Variants in TRMT11 observed in about 807,000 individuals in gnomAD.
TRMT11 encodes the protein tRNA (guanine(10)-N(2))-methyltransferase TRMT11.
Under a neutral mutation model 62.8 loss-of-function variants are expected in TRMT11, and 53 were observed. That is an observed-to-expected ratio of 0.84 (90% CI 0.68 to 1.06). The LOEUF (loss-of-function observed/expected upper bound fraction) is 1.06. Among genes scored for constraint, TRMT11 ranks in the 50% least tolerant of loss-of-function variants. The pLI is 0.00. For missense variants in TRMT11, 556 were observed against 553.4 expected (o/e 1.00, Z -0.05); for synonymous variants, 188 against 190.3 (o/e 0.99, Z 0.10).
intron 16 of TRMT11, among the ~76,000 whole-genome samples, chr6:126,045,530 G>A (rs746862507): frequency 8.5e-5 from 13 of 152,166 alleles, no homozygotes; most frequent in Non-Finnish European, 1.8e-4. Context: ...TTAATGAGGA[G>A]CAAATGGGGC....
intron 7 of TRMT11, among the ~76,000 whole-genome samples, chr6:126,005,150 C>T (rs1301099909): frequency 1.3e-5 from 2 of 152,018 alleles, no homozygotes; most frequent in Non-Finnish European, 2.9e-5. Flanking sequence ...GTCTGTGATA[C>T]AGTACAAGAC....
chr6:126,020,128 T>C (rs1405152656), intron 11 of TRMT11, among the ~76,000 whole-genome samples: 1 of 152,130 alleles, frequency 6.6e-6, no homozygotes, highest in Non-Finnish European at 1.5e-5. Flanking sequence ...GAAAACAGTG[T>C]TGATGCATTA....
At chr6:126,158,989 G>A (rs1778156844) in intron 21 of TRMT11, among the ~76,000 whole-genome samples, 1 of 152,096 alleles carries the variant, frequency 6.6e-6, no homozygotes. Flanking sequence ...ACATTACTTA[G>A]GTGGCCCCTT....
At chr6:126,172,524 A>G (rs185480127), upstream of TRMT11, among the ~76,000 whole-genome samples, 460 of 152,330 alleles carry the variant, frequency 3.0e-3, 3 homozygotes, top group Non-Finnish European at 4.6e-3. Flanking sequence ...TAAAGCCTCA[A>G]CAAATATTTC....
chr6:126,045,942 G>C (rs1776044986), intron 16 of TRMT11, among the ~76,000 whole-genome samples: 1 of 151,992 alleles, frequency 6.6e-6, no homozygotes, highest in African/African-American at 2.4e-5. Flanking sequence ...TGCTTTCAGA[G>C]AGCATTGGCA....
the TRMT11 span, among the ~76,000 whole-genome samples, chr6:126,256,873 T>C: frequency 6.6e-6 from 1 of 151,926 alleles, no homozygotes; most frequent in South Asian, 2.1e-4. Flanking sequence ...TTTTTGTTTG[T>C]TTGTTTGTTT....
chr6:126,250,754 A>G, the TRMT11 span, among the ~76,000 whole-genome samples: 1 of 152,216 alleles, frequency 6.6e-6, no homozygotes, highest in Non-Finnish European at 1.5e-5. Context: ...ATACTTGACT[A>G]TATCCTTCTA....
rs773433672 is a variant in TRMT11 at position 126,021,149 on chromosome 6, T to G, written c.1140-11T>G. On this transcript the variant is annotated splice_polypyrimidine_tract_variant and intron_variant, in intron 11 of 12. Transcript: ENST00000334379. ...GTGAGTGTTCCTAACAGTCAGCTGT[T>G]CTTTCTTCAGATACACTGAAGAGAT... 6.2e-7 allele frequency: 1 copy of G among 1,613,994 alleles called. No homozygotes were observed. The highest frequency in any genetic ancestry group is 8.5e-7 in the Non-Finnish European group (1 of 1,179,878).
intron 21 of TRMT11, among the ~76,000 whole-genome samples, chr6:126,151,271 A>G (rs1367922756): frequency 6.6e-6 from 1 of 152,210 alleles, no homozygotes; most frequent in East Asian, 1.9e-4. Flanking sequence ...TATAAATTTC[A>G]TATTTTAATT....
the TRMT11 span, among the ~76,000 whole-genome samples, chr6:126,240,615 C>T: frequency 6.6e-6 from 1 of 152,244 alleles, no homozygotes; most frequent in South Asian, 2.1e-4. Context: ...GTCAGTCTGC[C>T]CCTACTGGGG....
intron 21 of TRMT11, among the ~76,000 whole-genome samples, chr6:126,153,034 A>G (rs1778076795): frequency 6.6e-6 from 1 of 152,202 alleles, no homozygotes; most frequent in Non-Finnish European, 1.5e-5. Flanking sequence ...ATGCTAGATT[A>G]TTTTCACAAT....
At chr6:126,252,953 G>T in the TRMT11 span, among the ~76,000 whole-genome samples, 1 of 152,188 alleles carries the variant, frequency 6.6e-6, no homozygotes, top group Non-Finnish European at 1.5e-5. Flanking sequence ...AAGAACCCAA[G>T]GAGTGCTTTT....
Position 126,093,581 on chromosome 6 carries a change from GTATGTATATATATATA to G in TRMT11, c.*1438-19281_*1438-19266del, listed in dbSNP as rs1230196901. On this transcript the variant is annotated intron_variant and NMD_transcript_variant, in intron 17 of 22. Transcript: ENST00000648977. ...TACTCTAGTGTAGGTAACAGGATAT[GTATGTATATATATATA>G]TATATATATATATATATATATATAT... Among the ~76,000 whole-genome samples the G allele has an allele frequency of 8.4e-4, 31 of 37,086 alleles. 1 individual carries two copies. Among genetic ancestry groups the G allele is most frequent in the Non-Finnish European group, 3.3e-4 (6 of 18,156 alleles). The allele number at this position is 37,086 out of a possible 152,430, so 24.3% of individuals were successfully genotyped here.
chr6:126,087,838 A>C (rs1425251050), intron 17 of TRMT11, among the ~76,000 whole-genome samples: 1 of 152,150 alleles, frequency 6.6e-6, no homozygotes, highest in Non-Finnish European at 1.5e-5. Context: ...AAATCCTACC[A>C]CTTCAAGACC....
intron 21 of TRMT11, among the ~76,000 whole-genome samples, chr6:126,140,109 G>T (rs538613065): frequency 9.9e-5 from 15 of 151,948 alleles, no homozygotes; most frequent in Non-Finnish European, 2.1e-4. Flanking sequence ...GATTAAAAAT[G>T]AGGTATTAAA....
chr6:126,028,385 T>G (rs1158862625), intron 12 of TRMT11, among the ~76,000 whole-genome samples: 1 of 152,156 alleles, frequency 6.6e-6, no homozygotes, highest in Non-Finnish European at 1.5e-5. Context: ...ACCATCAAAG[T>G]TCATGTGTGT....
At chr6:126,171,907 A>T (rs1778334059) in intron 21 of TRMT11, among the ~76,000 whole-genome samples, 1 of 151,952 alleles carries the variant, frequency 6.6e-6, no homozygotes, top group African/African-American at 2.4e-5. Flanking sequence ...TTTAGTAGAG[A>T]AAGGTTTCAT....
intron 17 of TRMT11, among the ~76,000 whole-genome samples, chr6:126,110,708 G>T (rs1347369519): frequency 1.3e-5 from 2 of 152,104 alleles, no homozygotes; most frequent in African/African-American, 4.8e-5. Flanking sequence ...GCACACACAC[G>T]TGCATACAAA....
the TRMT11 span, among the ~76,000 whole-genome samples, chr6:126,223,238 G>A: frequency 6.6e-6 from 1 of 151,994 alleles, no homozygotes; most frequent in Non-Finnish European, 1.5e-5. Flanking sequence ...TGGCTAACAC[G>A]GTGAAACCTC....
Sources: gnomAD v4.1 joint callset for allele counts (sites outside exome capture counted in the v4.1 genomes callset) on GRCh38, gnomAD v4.1.1 for gene constraint, MANE v1.5 for transcripts, NCBI Gene and HGNC (gene_info 2026-07-23, HGNC 2026-07-21) for gene names.